Variants in DLGAP4 observed in about 807,000 individuals in gnomAD.
DLGAP4 encodes the protein disks large-associated protein 4.
DLGAP4 carries 18 observed loss-of-function variants against 86.9 expected under a neutral mutation model. The ratio of observed to expected loss-of-function variants is 0.21; its 90% CI spans 0.14 to 0.31. The LOEUF (loss-of-function observed/expected upper bound fraction) is 0.31. Among genes scored for constraint, DLGAP4 ranks in the 10% least tolerant of loss-of-function variants. DLGAP4 has a pLI of 1.00. For missense variants in DLGAP4, 1,085 were observed against 1,362.6 expected, an observed-to-expected ratio of 0.80 and a Z score of 3.21; for synonymous variants, 548 against 574.3, an observed-to-expected ratio of 0.95 and a Z score of 0.65.
chr20:36,436,471 CCTTTGAGCCACGCCCA>C (rs1193705055), intron 4 of DLGAP4, 121 bp downstream of exon 4: 1 of 1,394,070 alleles, frequency 7.2e-7, no homozygotes, highest in African/African-American at 1.5e-5. Flanking sequence ...AGCCACGCCC[CCTTTGAGCCACGCCCA>C]CTCATGAGTC....
chr20:36,518,116 G>A (rs1185329554), intron 10 of DLGAP4, among the ~76,000 whole-genome samples: 1 of 152,080 alleles, frequency 6.6e-6, no homozygotes, highest in African/African-American at 2.4e-5. Flanking sequence ...GCTACACTCA[G>A]GATGCTGAGG....
chr20:36,421,063 C>T (rs928209633), intron 2 of DLGAP4, among the ~76,000 whole-genome samples: 1 of 152,110 alleles, frequency 6.6e-6, no homozygotes, highest in Non-Finnish European at 1.5e-5. Context: ...ATCTCTTGAG[C>T]CCAGGAGGTC....
At chr20:36,356,267 G>A (rs781819633) in intron 1 of DLGAP4, among the ~76,000 whole-genome samples, 48 of 152,164 alleles carry the variant, frequency 3.2e-4, no homozygotes, top group Admixed American at 3.0e-3. Context: ...TCACTTTATC[G>A]TTAAAGCCAG....
At chr20:36,323,836 C>T (rs1307413901) in intron 1 of DLGAP4, among the ~76,000 whole-genome samples, 10 of 152,190 alleles carry the variant, frequency 6.6e-5, no homozygotes, top group Non-Finnish European at 4.4e-5. Context: ...ATTCGTACTC[C>T]TGTGAGAATC....
chr20:36,328,828 T>A (rs1555891244), intron 1 of DLGAP4, among the ~76,000 whole-genome samples: 1 of 151,526 alleles, frequency 6.6e-6, no homozygotes, highest in Non-Finnish European at 1.5e-5. Context: ...CCAGATGGAA[T>A]ACAGTGGCGC....
chr20:36,456,843 G>GTAGAGAAGTCA (rs2033891727), intron 7 of DLGAP4, among the ~76,000 whole-genome samples: 1 of 152,252 alleles, frequency 6.6e-6, no homozygotes, highest in Non-Finnish European at 1.5e-5. Context: ...CCCTCAGGGG[G>GTAGAGAAGTCA]TAGAGAAGTC....
chr20:36,435,376 G>A (rs2033244817), intron 3 of DLGAP4, among the ~76,000 whole-genome samples: 1 of 152,204 alleles, frequency 6.6e-6, no homozygotes, highest in Admixed American at 6.5e-5. Context: ...GGCTCAGAAG[G>A]ACAGGGAAGG....
At chr20:36,414,846 C>A (rs371352734) in intron 2 of DLGAP4, among the ~76,000 whole-genome samples, 2 of 152,174 alleles carry the variant, frequency 1.3e-5, no homozygotes, top group African/African-American at 4.8e-5. Context: ...AAATTTAATT[C>A]TATTTAAGTT....
At chr20:36,387,984 T>C (rs2031657558) in intron 2 of DLGAP4, among the ~76,000 whole-genome samples, 2 of 152,310 alleles carry the variant, frequency 1.3e-5, no homozygotes, top group South Asian at 4.1e-4. Context: ...TCATTATAAG[T>C]TCTTGAGCAC....
chr20:36,404,788 GC>G (rs1247529534), intron 2 of DLGAP4, among the ~76,000 whole-genome samples: 1 of 149,628 alleles, frequency 6.7e-6, no homozygotes, highest in Non-Finnish European at 1.5e-5. Flanking sequence ...AATGAATGAA[GC>G]AGAGACAAAA....
chr20:36,460,750 C>G (rs1394587546), intron 7 of DLGAP4, among the ~76,000 whole-genome samples: 1 of 152,218 alleles, frequency 6.6e-6, no homozygotes, highest in East Asian at 1.9e-4. Context: ...CGTGAAGGCA[C>G]CACCTACTGC....
intron 7 of DLGAP4, among the ~76,000 whole-genome samples, chr20:36,476,864 T>C (rs893532227): frequency 2.0e-5 from 3 of 151,706 alleles, no homozygotes; most frequent in Non-Finnish European, 4.4e-5. Flanking sequence ...CGGCTAATTT[T>C]GTGTTTTTAA....
chr20:36,457,059 G>A (rs527649536), intron 7 of DLGAP4, among the ~76,000 whole-genome samples: 1 of 152,326 alleles, frequency 6.6e-6, no homozygotes, highest in East Asian at 1.9e-4. Flanking sequence ...CTACTGGGAA[G>A]GGGAAGGGCA....
At chr20:36,494,996 T>TG (rs940294543) in intron 7 of DLGAP4, among the ~76,000 whole-genome samples, 2 of 140,612 alleles carry the variant, frequency 1.4e-5, no homozygotes, top group Admixed American at 7.2e-5. Flanking sequence ...TTTTTTTTTT[T>TG]TTTTTTTTTT....
At chr20:36,511,044 G>C (rs1167744004) in intron 10 of DLGAP4, 1 of 152,208 alleles carries the variant, frequency 6.6e-6, no homozygotes, top group Non-Finnish European at 1.5e-5. Flanking sequence ...TGGAAGTAGA[G>C]TAAGCTTATA....
intron 2 of DLGAP4, among the ~76,000 whole-genome samples, chr20:36,390,835 C>G (rs1446899161): frequency 6.6e-6 from 1 of 151,878 alleles, no homozygotes; most frequent in Non-Finnish European, 1.5e-5. Context: ...CCAGACTGAG[C>G]CTTGACTTTG....
In DLGAP4 at chr20:36,344,606, C is replaced by G. The variant is rs115048182; in HGVS notation, c.-303-22439C>G. Among the ~76,000 whole-genome samples, 725 of 152,312 alleles carry G rather than the reference C, an allele frequency of 4.8e-3. 6 individuals carry two copies. Among genetic ancestry groups the G allele is most frequent in the African/African-American group, 0.017 (703 of 41,568 alleles). On this transcript the variant is annotated intron_variant, in intron 1 of 12. Coordinates refer to ENST00000339266, the MANE Select transcript of DLGAP4 (RefSeq NM_001365621.2). Reference sequence around the variant, plus strand: ...CAGCCGACCATGGCTCCCTACCTGTCCCCAGGTACTCATCTTCCTTTCTTA... The same window carrying G: ...CAGCCGACCATGGCTCCCTACCTGTGCCCAGGTACTCATCTTCCTTTCTTA...
Position 36,500,336 on chromosome 20 carries a change from A to C in DLGAP4, c.2237A>C (p.Asp746Ala). 6.2e-7 allele frequency: 1 copy of C among 1,613,876 alleles called. No individual in the cohort carries two copies. Among genetic ancestry groups the C allele is most frequent in the Non-Finnish European group, 8.5e-7 (1 of 1,179,884 alleles). Residue 746 changes from aspartate to alanine, a missense_variant, in exon 10 of 13, where the codon GAT becomes GCT. By Grantham distance (126) the Asp-to-Ala change is moderately radical (BLOSUM62 -2). Around this residue, in one of 2 missense-constraint regions of DLGAP4, gnomAD observed 1,082 missense variants for 1,344.1 expected, o/e 0.81. Coordinates refer to ENST00000339266, the MANE Select transcript of DLGAP4 (RefSeq NM_001365621.2). This position sits in a 1 kb window ranked among gnomAD's most constrained non-coding sequence, Gnocchi z 4.6. Reference protein sequence around the residue: ...CTPHPNSISIDAGPRQAPKIA... With the variant: ...CTPHPNSISIAAGPRQAPKIA... ...CCTCACCCCAACTCCATCAGCATCG[A>C]TGCCGGTCCCCGGCAGGCCCCCAAG...
chr20:36,349,186 A>C (rs1305179188), intron 1 of DLGAP4, among the ~76,000 whole-genome samples: 1 of 138,854 alleles, frequency 7.2e-6, no homozygotes, highest in Non-Finnish European at 1.5e-5. Context: ...TGGGAGGCTG[A>C]GGCGGGTGGA....
Sources: gnomAD v4.1 joint callset for allele counts (sites outside exome capture counted in the v4.1 genomes callset) on GRCh38, gnomAD v4.1.1 for gene constraint, gnomAD v4.1.1 regional missense constraint, Gnocchi (gnomAD v3.1) non-coding constraint, MANE v1.5 for transcripts, NCBI Gene and HGNC (gene_info 2026-07-23, HGNC 2026-07-21) for gene names.